MAPK4: variants seen among roughly 807,000 people sequenced by gnomAD.
MAPK4 encodes mitogen-activated protein kinase 4.
In MAPK4, 22 loss-of-function variants were observed where a neutral mutation model predicts 47.7. That is an observed-to-expected ratio of 0.46 (90% CI 0.33 to 0.66). The LOEUF (loss-of-function observed/expected upper bound fraction) is 0.66, where lower values mean the gene tolerates loss of function less well. MAPK4 is among the 30% of genes least tolerant of loss of function. The pLI, the probability that MAPK4 is intolerant of heterozygous loss-of-function variation, is 0.02. For synonymous variants in MAPK4, 390 were observed against 365.7 expected, an observed-to-expected ratio of 1.07 and a Z score of -0.76; for missense variants, 736 against 831.7, an observed-to-expected ratio of 0.88 and a Z score of 1.42.
chr18:50,688,417 C>T (rs1385997491), intron 2 of MAPK4, among the ~76,000 whole-genome samples: 1 of 152,174 alleles, frequency 6.6e-6, no homozygotes, highest in Non-Finnish European at 1.5e-5. Flanking sequence ...TCAGAAAAGG[C>T]ATGTGGAGGC....
intron 1 of MAPK4, among the ~76,000 whole-genome samples, chr18:50,568,204 AAAAAAAG>A (rs1200076379): frequency 3.3e-5 from 5 of 152,048 alleles, no homozygotes; most frequent in Non-Finnish European, 4.4e-5. Context: ...CCAAAAAAAA[AAAAAAAG>A]AAAAAAGAAA....
intron 2 of MAPK4, among the ~76,000 whole-genome samples, chr18:50,697,632 GT>G (rs1204739223): frequency 6.6e-6 from 1 of 152,120 alleles, no homozygotes; most frequent in Non-Finnish European, 1.5e-5. Flanking sequence ...AGCCTCTGAG[GT>G]TTTTAACCAC....
intron 2 of MAPK4, among the ~76,000 whole-genome samples, chr18:50,707,472 A>T (rs1198887717): frequency 1.3e-5 from 2 of 151,668 alleles, no homozygotes; most frequent in African/African-American, 4.8e-5. Context: ...CTGGGGGGTT[A>T]AAGCCCGAGG....
At chr18:50,694,726 G>T (rs1318636482) in intron 2 of MAPK4, among the ~76,000 whole-genome samples, 1 of 152,116 alleles carries the variant, frequency 6.6e-6, no homozygotes, top group Non-Finnish European at 1.5e-5. Flanking sequence ...GGAAGATTGG[G>T]ACCTGCTTGT....
At position 50,726,035 on chromosome 18, in the gene MAPK4, C is replaced by A; in HGVS notation, c.927C>A (p.His309Gln). 1.2e-6 allele frequency: 2 copies of A among 1,614,172 alleles called. No individual in the cohort carries two copies. Among genetic ancestry groups the A allele is most frequent in the East Asian group, 4.5e-5 (2 of 44,878 alleles). Reference protein sequence around the residue: ...DRLTAEMGLQHPYMSPYSCPE... With the variant: ...DRLTAEMGLQQPYMSPYSCPE... Reference sequence around the variant, plus strand: ...TAACAGCTGAGATGGGGCTGCAACACCCCTACATGAGCCCATACTCGTGCC... The same window carrying A: ...TAACAGCTGAGATGGGGCTGCAACAACCCTACATGAGCCCATACTCGTGCC... The change falls in exon 5 of 6, where the codon CAC (histidine) becomes CAA (glutamine). Residue 309 changes from histidine (H) to glutamine (Q), a missense_variant. His to Gln is a conservative substitution (Grantham distance 24, BLOSUM62 0). Transcript: ENST00000400384.
chr18:50,592,237 A>G (rs756251456), intron 1 of MAPK4, among the ~76,000 whole-genome samples: 1 of 152,202 alleles, frequency 6.6e-6, no homozygotes, highest in African/African-American at 2.4e-5. Flanking sequence ...GTTCAAGGAC[A>G]TGCCAAACCT....
chr18:50,687,037 A>C (rs1908921406), intron 2 of MAPK4, among the ~76,000 whole-genome samples: 1 of 152,358 alleles, frequency 6.6e-6, no homozygotes, highest in Middle Eastern at 3.4e-3. Context: ...ATAGATGAAA[A>C]TAACTTAGAA....
At chr18:50,635,895 G>A (rs2042882943) in intron 1 of MAPK4, among the ~76,000 whole-genome samples, 1 of 152,160 alleles carries the variant, frequency 6.6e-6, no homozygotes, top group South Asian at 2.1e-4. Context: ...AAGGCCCATG[G>A]CCTGGTCCAC....
chr18:50,622,906 T>C (rs1262960688), intron 1 of MAPK4, among the ~76,000 whole-genome samples: 1 of 152,212 alleles, frequency 6.6e-6, no homozygotes, highest in African/African-American at 2.4e-5. Context: ...GAGAAAGTAG[T>C]GACCTGTACA....
chr18:50,587,790 G>A (rs556174323), intron 1 of MAPK4, among the ~76,000 whole-genome samples: 35 of 152,184 alleles, frequency 2.3e-4, no homozygotes, highest in African/African-American at 6.0e-4. Flanking sequence ...GTGCAGTGGC[G>A]CGATCTCGGC....
chr18:50,601,823 ACT>A (rs2042544473), intron 1 of MAPK4, among the ~76,000 whole-genome samples: 1 of 151,970 alleles, frequency 6.6e-6, no homozygotes, highest in African/African-American at 2.4e-5. Context: ...CACATTCTGT[ACT>A]CTTAGTCTTC....
intron 2 of MAPK4, among the ~76,000 whole-genome samples, chr18:50,709,188 C>A (rs1231605152): frequency 6.6e-6 from 1 of 152,134 alleles, no homozygotes; most frequent in Non-Finnish European, 1.5e-5. Flanking sequence ...GCTCCTCCAC[C>A]GGGAGGGCTC....
At chr18:50,588,598 T>C (rs893391495) in intron 1 of MAPK4, among the ~76,000 whole-genome samples, 1 of 152,136 alleles carries the variant, frequency 6.6e-6, no homozygotes, top group Non-Finnish European at 1.5e-5. Context: ...ACTCCGGTTG[T>C]CCAGGCTGAC....
At chr18:50,641,575 C>T (rs2042941745) in intron 1 of MAPK4, among the ~76,000 whole-genome samples, 3 of 152,106 alleles carry the variant, frequency 2.0e-5, no homozygotes, top group Admixed American at 1.3e-4. Flanking sequence ...CTGAAACCCT[C>T]AATATGCTAA....
chr18:50,630,984 A>G (rs2042824161), intron 1 of MAPK4, among the ~76,000 whole-genome samples: 1 of 151,802 alleles, frequency 6.6e-6, no homozygotes, highest in Admixed American at 6.6e-5. Context: ...CAATTTTACT[A>G]CTCCCTAAAA....
chr18:50,682,541 A>T (rs1159116351), intron 2 of MAPK4, among the ~76,000 whole-genome samples: 1 of 152,244 alleles, frequency 6.6e-6, no homozygotes, highest in East Asian at 1.9e-4. Flanking sequence ...AATTCTAAAC[A>T]AAATTTTAGC....
At chr18:50,561,928 G>A (rs1190974742) in intron 1 of MAPK4, among the ~76,000 whole-genome samples, 1 of 152,200 alleles carries the variant, frequency 6.6e-6, no homozygotes. Context: ...AATGCTCAAA[G>A]GGACAGAGAA....
Position 50,663,930 on chromosome 18 carries a change from C to T in MAPK4, c.-29C>T. The T allele has an allele frequency of 6.3e-7, 1 of 1,582,610 alleles. No individual in the cohort carries two copies. Among genetic ancestry groups the T allele is most frequent in the Non-Finnish European group, 8.6e-7 (1 of 1,161,034 alleles). On this transcript the variant is annotated 5_prime_UTR_variant, in exon 2 of 6. Transcript: ENST00000400384. The stretch of plus-strand genomic sequence containing the variant: ...CCTTTCCTGACTGCCCCTGTGTTAC[C>T]TGGGCAGCTCCAGATCACTGAGCCC...
rs755417970 is a variant in MAPK4 at position 50,664,043 on chromosome 18, G to A, written c.85G>A (p.Gly29Ser). Residue 29 changes from glycine to serine, a missense_variant, in exon 2 of 6, where the codon GGT (glycine) becomes AGT (serine). This residue lies in a region of MAPK4 where 327 missense variants were observed against 395.4 expected (regional missense o/e 0.83). Transcript: ENST00000400384. The surrounding 1 kb of genome is among the most constrained non-coding windows in gnomAD (Gnocchi z 6.0). ...TGTTGACTTCCAACCCCTGGGCTTCGGTGTCAATGGTTTGGTGCTGTCGGC... is the reference window on the plus strand; with the variant it reads ...TGTTGACTTCCAACCCCTGGGCTTCAGTGTCAATGGTTTGGTGCTGTCGGC... ...RFVDFQPLGF[G>S]VNGLVLSAVD... is the part of the protein sequence containing the mutation. 4.3e-6 allele frequency: 7 copies of A among 1,613,686 alleles called. No homozygotes were observed. Among genetic ancestry groups the A allele is most frequent in the African/African-American group, 1.3e-5 (1 of 74,910 alleles).
Sources: gnomAD v4.1 joint callset for allele counts (sites outside exome capture counted in the v4.1 genomes callset) on GRCh38, gnomAD v4.1.1 for gene constraint, gnomAD v4.1.1 regional missense constraint, Gnocchi (gnomAD v3.1) non-coding constraint, MANE v1.5 for transcripts, NCBI Gene and HGNC (gene_info 2026-07-23, HGNC 2026-07-21) for gene names.